Variants in RAB5B observed in about 807,000 individuals in gnomAD.
The protein encoded by RAB5B is ras-related protein Rab-5B.
In RAB5B, 11 loss-of-function variants were observed where a neutral mutation model predicts 28.6. The ratio of observed to expected loss-of-function variants is 0.38; its 90% CI spans 0.24 to 0.64. The LOEUF is 0.64. Among genes scored for constraint, RAB5B ranks in the 30% least tolerant of loss-of-function variants. The probability of loss-of-function intolerance (pLI) is 0.53; values close to 1 mark genes in which losing one functional copy is unlikely to be tolerated. For synonymous variants in RAB5B, 93 were observed against 97.9 expected, an observed-to-expected ratio of 0.95 and a Z score of 0.29; for missense variants, 169 against 265.6, an observed-to-expected ratio of 0.64 and a Z score of 2.53.
chr12:55,974,924 ATT>A (rs11343216), intron 1 of RAB5B, among the ~76,000 whole-genome samples: 1 of 149,268 alleles, frequency 6.7e-6, no homozygotes, highest in Non-Finnish European at 1.5e-5. Context: ...GATCAAAGTA[ATT>A]TTTTTTTTTC....
rs1053660680 is a variant in RAB5B at position 55,994,281 on chromosome 12, T to G, written c.*2069T>G. The G allele has an allele frequency of 3.9e-5, 6 of 152,446 alleles. No individual in the cohort carries two copies. Among genetic ancestry groups the G allele is most frequent in the Admixed American group, 3.9e-4 (6 of 15,268 alleles). The allele number at this position is 152,446 out of a possible 1,614,324, so 9.4% of individuals were successfully genotyped here. ...AGAACTAGGATGGCTTTCCAAAGTC[T>G]TCTAGAAATGAAGTTCTTTCTCTGT... On this transcript the variant is annotated 3_prime_UTR_variant, in exon 6 of 6. Transcript: ENST00000360299.
At chr12:55,991,474 G>A (rs1470075838) in intron 5 of RAB5B, 21 bp downstream of exon 5, 1 of 1,592,146 alleles carries the variant, frequency 6.3e-7, no homozygotes, top group Non-Finnish European at 8.6e-7. Context: ...AACATCCTGA[G>A]GTCCTCCTTT....
intron 1 of RAB5B, among the ~76,000 whole-genome samples, chr12:55,980,208 C>G (rs550499211): frequency 6.6e-6 from 1 of 152,248 alleles, no homozygotes; most frequent in East Asian, 1.9e-4. Context: ...TCCTTGCCTT[C>G]GTTCACTTCC....
At chr12:55,984,216 G>A (rs1349790472) in intron 1 of RAB5B, among the ~76,000 whole-genome samples, 4 of 147,418 alleles carry the variant, frequency 2.7e-5, no homozygotes, top group African/African-American at 2.5e-5. Context: ...ACTGAGTCTC[G>A]CTGTTGCTCT....
rs1048031832 is a variant in RAB5B at position 55,992,700 on chromosome 12, C to T, written c.*488C>T. 8 of 373,628 alleles carry T rather than the reference C, an allele frequency of 2.1e-5. No individual in the cohort carries two copies. The highest frequency in any genetic ancestry group is 1.8e-4 in the African/African-American group (8 of 45,336). 23.1% of individuals were successfully genotyped at this position (373,628 alleles called of 1,614,324 possible). A position where few individuals can be genotyped will look rare whatever the true frequency, so the allele number is the denominator to read the frequency against. ...TTCCAGTTCATTTACATTAAGGGCC[C>T]TGGGGGAGAATAAAGCTCAGAGCAG... On this transcript the variant is annotated 3_prime_UTR_variant, in exon 6 of 6. Coordinates refer to ENST00000360299, the MANE Select transcript of RAB5B (RefSeq NM_002868.4).
intron 4 of RAB5B, 189 bp downstream of exon 4, chr12:55,990,993 G>A: frequency 1.4e-6 from 1 of 724,242 alleles, no homozygotes; most frequent in Non-Finnish European, 2.2e-6. Flanking sequence ...GGAGTCAGGA[G>A]AAAACTCCAG....
Position 55,991,356 on chromosome 12 carries a change from G to A in RAB5B, c.439-4G>A. On this transcript the variant is annotated splice_region_variant and splice_polypyrimidine_tract_variant and intron_variant, in intron 4 of 5. Coordinates refer to ENST00000360299, the MANE Select transcript of RAB5B (RefSeq NM_002868.4). ...TGAGCACTAATACATCCCACTCCTT[G>A]CAGGAGGCCCAGGCATATGCAGATG... 1 of 1,611,670 alleles carries A rather than the reference G, an allele frequency of 6.2e-7. No individual in the cohort carries two copies. The highest frequency in any genetic ancestry group is 8.5e-7 in the Non-Finnish European group (1 of 1,177,846).
At position 55,989,934 on chromosome 12, in the gene RAB5B, C is replaced by T. The variant is rs755354499; in HGVS notation, c.164-13C>T. On this transcript the variant is annotated splice_polypyrimidine_tract_variant and intron_variant, in intron 2 of 5. Coordinates refer to ENST00000360299, the MANE Select transcript of RAB5B (RefSeq NM_002868.4). ...CACTTACAGCATCTTCCCCTCCATT[C>T]TCTCATCCATAGCGGCCTTCCTCAC... 2 of 1,607,554 alleles carry T rather than the reference C, an allele frequency of 1.2e-6. No homozygotes were observed. The highest frequency in any genetic ancestry group is 4.5e-5 in the East Asian group (2 of 44,842).
At chr12:55,981,800 G>A (rs985842783) in intron 1 of RAB5B, among the ~76,000 whole-genome samples, 12 of 150,500 alleles carry the variant, frequency 8.0e-5, no homozygotes, top group African/African-American at 2.2e-4. Context: ...TTGTAGAGCC[G>A]TACTTCTTTT....
chr12:55,976,984 T>C (rs1210704014), intron 1 of RAB5B, among the ~76,000 whole-genome samples: 1 of 152,146 alleles, frequency 6.6e-6, no homozygotes, highest in Non-Finnish European at 1.5e-5. Context: ...AGTATGTGTG[T>C]GTGTTTTTAG....
intron 1 of RAB5B, among the ~76,000 whole-genome samples, chr12:55,978,605 T>C (rs1889713317): frequency 6.6e-6 from 1 of 151,994 alleles, no homozygotes. Context: ...TTACTTAGCC[T>C]TAATTTAGGG....
intron 1 of RAB5B, chr12:55,980,865 T>C (rs1313194295): frequency 1.9e-6 from 3 of 1,610,114 alleles, no homozygotes; most frequent in Admixed American, 1.7e-5. Context: ...TGTAGTTTGA[T>C]CTTCTTCCCC....
chr12:55,986,980 C>T lies in RAB5B; in HGVS notation c.20C>T (p.Ala7Val), dbSNP rs1395157711. ...CTGGCCATGACTAGCAGAAGCACAGCTAGGCCCAATGGGCAACCCCAGGCC... is the reference window on the plus strand; with the variant it reads ...CTGGCCATGACTAGCAGAAGCACAGTTAGGCCCAATGGGCAACCCCAGGCC... MTSRST[A>V]RPNGQPQASK... is the part of the protein sequence containing the mutation. Residue 7 changes from alanine (A) to valine (V), a missense_variant, in exon 2 of 6, where the codon GCT (alanine) becomes GTT (valine). Transcript: ENST00000360299. The T allele has an allele frequency of 6.4e-7, 1 of 1,572,132 alleles. No individual in the cohort carries two copies.
At chr12:55,991,925 CAAA>C (rs74520422) in intron 5 of RAB5B, 169 bp from the exon 6 acceptor site, 426 of 477,852 alleles carry the variant, frequency 8.9e-4, no homozygotes, top group East Asian at 1.3e-3. Context: ...GACTCCATCT[CAAA>C]AAAAAAAAAA....
intron 1 of RAB5B, among the ~76,000 whole-genome samples, chr12:55,978,796 G>A (rs758445498): frequency 3.4e-5 from 5 of 145,650 alleles, no homozygotes; most frequent in African/African-American, 1.3e-4. Flanking sequence ...TTTTTGAGAC[G>A]GATTCTTGCT....
intron 1 of RAB5B, chr12:55,980,488 G>T: frequency 6.3e-7 from 1 of 1,592,418 alleles, no homozygotes; most frequent in South Asian, 1.1e-5. Context: ...TGGGAGGCTT[G>T]TTGCCGTTTC....
At chr12:55,991,486 T>C in intron 5 of RAB5B, 33 bp downstream of exon 5, 1 of 1,566,910 alleles carries the variant, frequency 6.4e-7, no homozygotes, top group Admixed American at 1.7e-5. Context: ...TCCTCCTTTT[T>C]CCCTCGTTTA....
chr12:55,979,274 A>G (rs1369939956), intron 1 of RAB5B: 1 of 152,176 alleles, frequency 6.6e-6, no homozygotes, highest in African/African-American at 2.4e-5. Context: ...GTACTACCAT[A>G]CTGATAAGAG....
At chr12:55,975,210 G>C (rs570995223) in intron 1 of RAB5B, among the ~76,000 whole-genome samples, 2 of 152,280 alleles carry the variant, frequency 1.3e-5, no homozygotes, top group South Asian at 4.1e-4. Flanking sequence ...GAGATCTTCT[G>C]ATCATAGTTG....
Sources: gnomAD v4.1 joint callset for allele counts (sites outside exome capture counted in the v4.1 genomes callset) on GRCh38, gnomAD v4.1.1 for gene constraint, MANE v1.5 for transcripts, NCBI Gene and HGNC (gene_info 2026-07-23, HGNC 2026-07-21) for gene names.